ANKS1A: variants seen among roughly 807,000 people sequenced by gnomAD.
The protein encoded by ANKS1A is ankyrin repeat and sterile alpha motif domain containing 1A, also known as ankyrin repeat and SAM domain-containing protein 1A.
A neutral mutation model predicts 120.3 loss-of-function variants in ANKS1A; 55 were observed. That is an observed-to-expected ratio of 0.46 (90% CI 0.37 to 0.57). ANKS1A has a LOEUF of 0.57. ANKS1A is among the 20% of genes least tolerant of loss of function. ANKS1A has a pLI of 0.00. For synonymous variants in ANKS1A, 590 were observed against 604.7 expected, an observed-to-expected ratio of 0.98 and a Z score of 0.36; for missense variants, 1,123 against 1,480.3, an observed-to-expected ratio of 0.76 and a Z score of 3.96.
At chr6:34,975,935 C>T (rs1188739845) in intron 3 of ANKS1A, among the ~76,000 whole-genome samples, 3 of 151,616 alleles carry the variant, frequency 2.0e-5, no homozygotes, top group Non-Finnish European at 4.4e-5. Flanking sequence ...GTCAGGAGTT[C>T]GAGACCAGCC....
In ANKS1A at chr6:35,044,923, C is replaced by T. The variant is rs566123101; in HGVS notation, c.2011-9176C>T. Among the ~76,000 whole-genome samples, 3 of 152,262 alleles carry T rather than the reference C, an allele frequency of 2.0e-5. No homozygotes were observed. The highest frequency in any genetic ancestry group is 2.1e-4 in the South Asian group (1 of 4,824). On this transcript the variant is annotated intron_variant, in intron 11 of 23. Transcript: ENST00000360359. The surrounding 1 kb of genome is among the most constrained non-coding windows in gnomAD (Gnocchi z 4.4). ...TATTTGCCTGGCATCTGTGGTTTTA[C>T]GAGGACTACAGATGTTTCCCAGTGT...
At chr6:35,025,246 G>A (rs1283019869) in intron 11 of ANKS1A, among the ~76,000 whole-genome samples, 1 of 151,104 alleles carries the variant, frequency 6.6e-6, no homozygotes, top group Non-Finnish European at 1.5e-5. Context: ...GATTATATAT[G>A]TGTATACACA....
Position 34,901,770 on chromosome 6 carries a change from CAA to C in ANKS1A, c.197+12173_197+12174del, listed in dbSNP as rs1284519069. ...AAGAGATCTGCCCACCTTGGCCTCCCAAAGTGTTGGGATTACAGGCGTGAGCC... is the reference window on the plus strand; with the variant it reads ...AAGAGATCTGCCCACCTTGGCCTCCCAGTGTTGGGATTACAGGCGTGAGCC... On this transcript the variant is annotated intron_variant, in intron 1 of 23. Coordinates refer to ENST00000360359, the MANE Select transcript of ANKS1A (RefSeq NM_015245.3). Among the ~76,000 whole-genome samples the C allele has an allele frequency of 2.0e-5, 3 of 152,300 alleles. No homozygotes were observed. The East Asian group carries it at 5.8e-4, about 29-fold the overall frequency.
rs950013289 is a variant in ANKS1A at position 34,889,373 on chromosome 6, G to A, written c.-30G>A. 5.6e-6 allele frequency: 7 copies of A among 1,253,482 alleles called. No homozygotes were observed. The South Asian group carries it at 1.0e-4, about 18-fold the overall frequency. 77.6% of individuals were successfully genotyped at this position (1,253,482 alleles called of 1,614,324 possible). On this transcript the variant is annotated 5_prime_UTR_variant, in exon 1 of 24. Transcript: ENST00000360359. This position sits in a 1 kb window ranked among gnomAD's most constrained non-coding sequence, Gnocchi z 5.5. ...GAGCAGGCTCGGCTGCAGCCTCGGG[G>A]AGGGGGTCCAGCGGGTGGCGGCCCT... is the stretch of plus-strand genomic sequence containing the variant.
intron 11 of ANKS1A, among the ~76,000 whole-genome samples, chr6:35,042,741 G>C (rs997409843): frequency 6.6e-6 from 1 of 152,206 alleles, no homozygotes; most frequent in Non-Finnish European, 1.5e-5. Context: ...CTGTGTCATC[G>C]CATCCTCCCC....
rs755828332 is a variant in ANKS1A, at chr6:34,989,285, A to G, written c.1271A>G (p.Asp424Gly). ...PPDEEEEDHIDKKYFPLTASE... is the reference protein window; with the variant it reads ...PPDEEEEDHIGKKYFPLTASE... ...GATGAAGAGGAAGAAGACCACATAG[A>G]TAAGAAGTATTTTCCCTTGACAGCT... Residue 424 changes from aspartate (D) to glycine (G), a missense_variant, in exon 9 of 24, where the codon GAT becomes GGT. Around this residue, in one of 3 missense-constraint regions of ANKS1A, gnomAD observed 904 missense variants for 1,130.4 expected, o/e 0.80. Transcript: ENST00000360359. 1.2e-6 allele frequency: 2 copies of G among 1,614,092 alleles called. No homozygotes were observed. The highest frequency in any genetic ancestry group is 1.7e-6 in the Non-Finnish European group (2 of 1,179,936).
At chr6:34,921,362 G>A (rs1345878591) in intron 1 of ANKS1A, among the ~76,000 whole-genome samples, 2 of 152,116 alleles carry the variant, frequency 1.3e-5, no homozygotes, top group South Asian at 2.1e-4. Flanking sequence ...CAAAATACAC[G>A]GGCTTAGAAA....
chr6:34,977,622 T>C (rs968498484), intron 3 of ANKS1A, among the ~76,000 whole-genome samples: 1 of 152,200 alleles, frequency 6.6e-6, no homozygotes, highest in Non-Finnish European at 1.5e-5. Context: ...TGAGTTTGAT[T>C]GGCATCTATC....
At chr6:34,999,266 G>A (rs1388197572) in intron 10 of ANKS1A, among the ~76,000 whole-genome samples, 2 of 152,210 alleles carry the variant, frequency 1.3e-5, no homozygotes, top group Non-Finnish European at 2.9e-5. Flanking sequence ...CGGAAGCATG[G>A]CCTGATCACC....
At chr6:35,054,750 C>G (rs1230661916) in intron 12 of ANKS1A, among the ~76,000 whole-genome samples, 1 of 152,216 alleles carries the variant, frequency 6.6e-6, no homozygotes, top group Non-Finnish European at 1.5e-5. Flanking sequence ...AGCTTCTGTT[C>G]TCTTTGTTTG....
intron 11 of ANKS1A, among the ~76,000 whole-genome samples, chr6:35,032,158 G>A (rs1774939927): frequency 6.6e-6 from 1 of 152,222 alleles, no homozygotes; most frequent in African/African-American, 2.4e-5. Flanking sequence ...AAGTGCTCTT[G>A]AAGAAAAGGA....
At chr6:35,061,531 G>T (rs1437285722) in intron 13 of ANKS1A, among the ~76,000 whole-genome samples, 13 of 152,298 alleles carry the variant, frequency 8.5e-5, no homozygotes, top group African/African-American at 3.1e-4. Context: ...GGTGCCTCCT[G>T]AATAGTGGCC....
rs370875282 is a variant in ANKS1A, at chr6:35,079,663, G to A, written c.2431G>A (p.Val811Ile). 26 of 1,613,994 alleles carry A rather than the reference G, an allele frequency of 1.6e-5. No homozygotes were observed. The highest frequency in any genetic ancestry group is 1.3e-4 in the South Asian group (12 of 91,084). ...TVKNLWELELVNVLKVQLLGH... is the reference protein window; with the variant it reads ...TVKNLWELELINVLKVQLLGH... ...GAAGAACCTCTGGGAGCTAGAGCTC[G>A]TCAATGTGAGTAGTCCCTGCGTGGC... The change falls in exon 15 of 24, where the codon GTC becomes ATC. Residue 811 changes from valine to isoleucine, a missense_variant. Val to Ile is a conservative substitution (Grantham distance 29). Transcript: ENST00000360359.
intron 11 of ANKS1A, among the ~76,000 whole-genome samples, chr6:35,026,037 C>T (rs1774610486): frequency 6.6e-6 from 1 of 152,118 alleles, no homozygotes; most frequent in Non-Finnish European, 1.5e-5. Flanking sequence ...AAACTGAAAG[C>T]TTGGGTGACA....
chr6:34,906,787 C>CA (rs1353189654), intron 1 of ANKS1A, among the ~76,000 whole-genome samples: 1 of 152,196 alleles, frequency 6.6e-6, no homozygotes, highest in Admixed American at 6.5e-5. Flanking sequence ...AACCGATGTC[C>CA]ACTTGTTCTT....
At chr6:35,039,153 A>T (rs1261561492) in intron 11 of ANKS1A, among the ~76,000 whole-genome samples, 1 of 147,118 alleles carries the variant, frequency 6.8e-6, no homozygotes, top group African/African-American at 2.5e-5. Context: ...CACAATCAAC[A>T]TGCAGAACTA....
rs1777907888 is a variant in ANKS1A at position 35,085,381 on chromosome 6, A to G, written c.3133-385A>G. Among the ~76,000 whole-genome samples, 1 of 152,344 alleles carries G rather than the reference A, an allele frequency of 6.6e-6. No individual in the cohort carries two copies. The highest frequency in any genetic ancestry group is 1.9e-4 in the East Asian group (1 of 5,178). On this transcript the variant is annotated intron_variant, in intron 21 of 23. Coordinates refer to ENST00000360359, the MANE Select transcript of ANKS1A (RefSeq NM_015245.3). The surrounding 1 kb of genome is among the most constrained non-coding windows in gnomAD (Gnocchi z 4.7). The stretch of plus-strand genomic sequence containing the variant: ...AGGAAAACCACAGGGTTTATGGGGA[A>G]ATGGAGTTAGGGGCACAGCACTCAC...
chr6:34,939,840 C>CA (rs375507050), intron 1 of ANKS1A, among the ~76,000 whole-genome samples: 15 of 152,140 alleles, frequency 9.9e-5, no homozygotes, highest in African/African-American at 3.6e-4. Context: ...GATGATGGTG[C>CA]AAAAAATCAG....
At chr6:34,937,191 T>C (rs847850) in intron 1 of ANKS1A, among the ~76,000 whole-genome samples, 70,279 of 151,918 alleles carry the variant, frequency 0.46, 21,513 homozygotes, top group African/African-American at 0.85. Context: ...TGGATTCTGG[T>C]GGGGCGCAGT....
Sources: gnomAD v4.1 joint callset for allele counts (sites outside exome capture counted in the v4.1 genomes callset) on GRCh38, gnomAD v4.1.1 for gene constraint, gnomAD v4.1.1 regional missense constraint, Gnocchi (gnomAD v3.1) non-coding constraint, MANE v1.5 for transcripts, NCBI Gene and HGNC (gene_info 2026-07-23, HGNC 2026-07-21) for gene names.